Variants in CAST observed in about 807,000 individuals in gnomAD.
The protein encoded by CAST is calpastatin.
A neutral mutation model predicts 119.6 loss-of-function variants in CAST; 76 were observed. The observed-to-expected ratio is 0.64, with a 90% CI of 0.53 to 0.77. CAST has a LOEUF of 0.77. Among genes scored for constraint, CAST ranks in the 30% least tolerant of loss-of-function variants. The pLI is 0.00. For synonymous variants in CAST, 319 were observed against 331.6 expected (o/e 0.96, Z 0.41); for missense variants, 953 against 946.5 (o/e 1.01, Z -0.09).
chr5:96,693,571 G>A (rs1482502450), intron 2 of CAST, among the ~76,000 whole-genome samples: 6 of 152,218 alleles, frequency 3.9e-5, no homozygotes, highest in Non-Finnish European at 7.3e-5. Flanking sequence ...ATTGAAAACA[G>A]ACCTAACCTC....
the CAST span, among the ~76,000 whole-genome samples, chr5:96,323,895 G>A: frequency 6.6e-6 from 1 of 152,134 alleles, no homozygotes; most frequent in East Asian, 1.9e-4. Flanking sequence ...TCTAGACCAC[G>A]TGCTCTTTTC....
chr5:96,239,812 T>C, the CAST span, among the ~76,000 whole-genome samples: 1 of 152,218 alleles, frequency 6.6e-6, no homozygotes, highest in East Asian at 1.9e-4. Context: ...TTAAGTATAT[T>C]CTTCACATCA....
intron 16 of CAST, among the ~76,000 whole-genome samples, chr5:96,745,179 A>G (rs3822683): frequency 0.27 from 41,581 of 152,080 alleles, 6,266 homozygotes; most frequent in East Asian, 0.4. Flanking sequence ...CCATGACAGG[A>G]TTTCTCCAGA....
the CAST span, among the ~76,000 whole-genome samples, chr5:96,362,979 A>C: frequency 6.6e-6 from 1 of 151,994 alleles, no homozygotes; most frequent in Admixed American, 6.6e-5. Context: ...TCTAACATTT[A>C]AGTCTTTAAT....
chr5:96,452,914 C>T, the CAST span, among the ~76,000 whole-genome samples: 1 of 124,974 alleles, frequency 8.0e-6, no homozygotes, highest in Non-Finnish European at 1.6e-5. Context: ...TGCGCCACTG[C>T]AGTCCGCAGT....
the CAST span, among the ~76,000 whole-genome samples, chr5:96,306,687 T>C: frequency 6.6e-6 from 1 of 152,218 alleles, no homozygotes; most frequent in Non-Finnish European, 1.5e-5. Context: ...TATTTATTTC[T>C]GACTTAATTT....
chr5:96,522,257 C>T (rs1055023032), upstream of CAST, among the ~76,000 whole-genome samples: 1 of 152,216 alleles, frequency 6.6e-6, no homozygotes, highest in Non-Finnish European at 1.5e-5. Context: ...TAAATAAACA[C>T]ATTTGCTTTC....
In CAST at chr5:96,534,745, G is replaced by GAGAA. The variant is rs1266546354; in HGVS notation, c.60+4866_60+4867insGAAA. Among the ~76,000 whole-genome samples the GAGAA allele has an allele frequency of 6.1e-4, 13 of 21,312 alleles. 2 individuals carry two copies. The highest frequency in any genetic ancestry group is 1.8e-3 in the African/African-American group (12 of 6,722). 14.0% of individuals were successfully genotyped at this position (21,312 alleles called of 152,430 possible). A position where few individuals can be genotyped will look rare whatever the true frequency, so the allele number is the denominator to read the frequency against. ...AGAGAGAGAGAGAGAGAGAGAGAAA[G>GAGAA]AAAGAAAGAAAGAAAGAAAGAAAGA... On this transcript the variant is annotated intron_variant, in intron 1 of 11. Coordinates refer to the CAST transcript ENST00000505143.
At chr5:96,341,336 T>A in the CAST span, among the ~76,000 whole-genome samples, 1 of 52,086 alleles carries the variant, frequency 1.9e-5, no homozygotes, top group African/African-American at 7.3e-5. Context: ...CCCCCCACCC[T>A]CCACCCCACC....
the CAST span, among the ~76,000 whole-genome samples, chr5:96,288,017 G>A: frequency 4.6e-5 from 7 of 152,092 alleles, no homozygotes; most frequent in Admixed American, 2.0e-4. Flanking sequence ...ACATAAATAT[G>A]CTACACTTTT....
At chr5:96,079,238 C>A in the CAST span, 1 of 399,622 alleles carries the variant, frequency 2.5e-6, no homozygotes, top group Admixed American at 3.7e-5. Context: ...CCCTTCATTT[C>A]ACTCCCTACC....
At chr5:96,698,563 G>A (rs1180436405) in intron 3 of CAST, among the ~76,000 whole-genome samples, 3 of 152,224 alleles carry the variant, frequency 2.0e-5, no homozygotes, top group East Asian at 1.9e-4. Context: ...TTGAACAAAC[G>A]TAATTGCTTA....
intron 1 of CAST, among the ~76,000 whole-genome samples, chr5:96,628,889 A>G (rs1747771706): frequency 1.3e-5 from 2 of 152,134 alleles, no homozygotes; most frequent in South Asian, 2.1e-4. Flanking sequence ...AGGCCCAGCC[A>G]TTTTGCAGGA....
the CAST span, among the ~76,000 whole-genome samples, chr5:96,114,553 T>A: frequency 6.6e-6 from 1 of 152,202 alleles, no homozygotes. Flanking sequence ...GTGTGGTACC[T>A]TGAAAATCTG....
intron 1 of CAST, among the ~76,000 whole-genome samples, chr5:96,564,265 C>T (rs1001059955): frequency 1.3e-5 from 2 of 152,166 alleles, no homozygotes; most frequent in African/African-American, 4.8e-5. Context: ...ATGTTCAGTA[C>T]CTTTTTGTTC....
At chr5:96,295,462 A>C in the CAST span, among the ~76,000 whole-genome samples, 1 of 152,210 alleles carries the variant, frequency 6.6e-6, no homozygotes, top group African/African-American at 2.4e-5. Context: ...AGTGGTAAAC[A>C]AAAGTGTCTC....
chr5:96,535,683 C>T (rs977712415), intron 1 of CAST, among the ~76,000 whole-genome samples: 8 of 149,200 alleles, frequency 5.4e-5, no homozygotes, highest in Non-Finnish European at 8.9e-5. Context: ...ACGCCATTCT[C>T]CTGCCTCAGC....
At chr5:96,075,344 C>G in the CAST span, among the ~76,000 whole-genome samples, 3 of 152,294 alleles carry the variant, frequency 2.0e-5, no homozygotes, top group South Asian at 4.1e-4. Context: ...ACTAGGATTT[C>G]TTGGCATCAT....
chr5:96,491,418 G>A, the CAST span, among the ~76,000 whole-genome samples: 1 of 143,936 alleles, frequency 6.9e-6, no homozygotes, highest in Non-Finnish European at 1.5e-5. Flanking sequence ...GTGAACCCGG[G>A]AGGCGGAGCT....
Sources: gnomAD v4.1 joint callset for allele counts (sites outside exome capture counted in the v4.1 genomes callset) on GRCh38, gnomAD v4.1.1 for gene constraint, MANE v1.5 for transcripts, NCBI Gene and HGNC (gene_info 2026-07-23, HGNC 2026-07-21) for gene names.